KALRN: variants seen among roughly 807,000 people sequenced by gnomAD.
KALRN encodes kalirin RhoGEF kinase.
In KALRN, 70 loss-of-function variants were observed where a neutral mutation model predicts 353.7. The ratio of observed to expected loss-of-function variants is 0.20; its 90% CI spans 0.16 to 0.24. The LOEUF (loss-of-function observed/expected upper bound fraction) is 0.24, where lower values mean the gene tolerates loss of function less well. KALRN is among the 10% of genes least tolerant of loss of function. KALRN has a pLI of 1.00. For missense variants in KALRN, 2,791 were observed against 3,756.7 expected (o/e 0.74, Z 6.72); for synonymous variants, 1,391 against 1,434.8 (o/e 0.97, Z 0.69).
intron 3 of KALRN, among the ~76,000 whole-genome samples, chr3:124,235,401 C>G (rs1177948544): frequency 6.6e-6 from 1 of 152,140 alleles, no homozygotes; most frequent in Non-Finnish European, 1.5e-5. Context: ...TCTAAAAAGG[C>G]TCCTTCGGGG....
At chr3:124,449,418 A>T (rs2058559077) in intron 21 of KALRN, among the ~76,000 whole-genome samples, 1 of 152,248 alleles carries the variant, frequency 6.6e-6, no homozygotes, top group South Asian at 2.1e-4. Flanking sequence ...GCCTATAGAC[A>T]GTCCATTAAA....
chr3:124,268,193 G>A (rs912313995), intron 4 of KALRN, among the ~76,000 whole-genome samples: 14 of 152,112 alleles, frequency 9.2e-5, no homozygotes, highest in Non-Finnish European at 1.3e-4. Flanking sequence ...AAAACCAAGG[G>A]CGCAGACTCC....
At chr3:124,267,788 C>T (rs1025867347) in intron 4 of KALRN, among the ~76,000 whole-genome samples, 2 of 152,200 alleles carry the variant, frequency 1.3e-5, no homozygotes, top group African/African-American at 4.8e-5. Context: ...TTCAGATCAT[C>T]AGAGTGAGCA....
At chr3:124,416,736 G>A (rs1053640496) in intron 14 of KALRN, among the ~76,000 whole-genome samples, 14 of 152,216 alleles carry the variant, frequency 9.2e-5, no homozygotes, top group African/African-American at 3.4e-4. Flanking sequence ...CAATGGCTGA[G>A]GAATGTAAGA....
At chr3:124,282,985 C>T (rs764455804) in intron 5 of KALRN, among the ~76,000 whole-genome samples, 3 of 152,224 alleles carry the variant, frequency 2.0e-5, no homozygotes, top group Non-Finnish European at 4.4e-5. Flanking sequence ...GCCCACCTAG[C>T]ACATACCAGC....
In KALRN at chr3:124,697,668, C is replaced by A. The variant is rs756968542; in HGVS notation, c.7775C>A (p.Pro2592His). ...CTSVILRWLPPSSTGNCTISG... is the reference protein window; with the variant it reads ...CTSVILRWLPHSSTGNCTISG... ...TCCGTGATTCTCCGCTGGCTGCCCC[C>A]CTCCAGCACAGGAAACTGCACTATT... is the stretch of plus-strand genomic sequence containing the variant. Residue 2592 changes from proline to histidine, a missense_variant, in exon 55 of 60, where the codon CCC becomes CAC. Pro to His is a moderately conservative substitution (Grantham distance 77). This residue lies in a region of KALRN where 1,065 missense variants were observed against 1,156.4 expected (regional missense o/e 0.92). Coordinates refer to ENST00000682506, the MANE Select transcript of KALRN (RefSeq NM_001388419.1). 8.1e-6 allele frequency: 13 copies of A among 1,606,040 alleles called. No individual in the cohort carries two copies. The highest frequency in any genetic ancestry group is 3.4e-5 in the Admixed American group (2 of 59,220).
Position 124,542,417 on chromosome 3 carries a change from C to T in KALRN, c.4936-20426C>T, listed in dbSNP as rs190529294. ...TGTCAACTATGAAGCACCACACCCA[C>T]GTAAAGCATATTATATTACCTCCTG... On this transcript the variant is annotated intron_variant, in intron 33 of 59. Transcript: ENST00000682506. 8.5e-5 allele frequency among the ~76,000 whole-genome samples: 13 copies of T among 152,262 alleles called. No homozygotes were observed. The East Asian group carries it at 2.3e-3, about 27-fold the overall frequency.
At position 124,413,470 on chromosome 3, in the gene KALRN, G is replaced by T. The variant is rs1423941122; in HGVS notation, c.2347G>T (p.Val783Leu). Residue 783 changes from valine (V) to leucine (L), a missense_variant and splice_region_variant, in exon 14 of 60, where the codon GTG becomes TTG. This residue lies in a region of KALRN where 452 missense variants were observed against 575.8 expected (regional missense o/e 0.78). Transcript: ENST00000682506. The part of the protein sequence containing the change: ...LRIFEQYTIE[V>L]TAELDAWNED... ...GCTGATGACAGTGGTTCCCTCACAG[G>T]TGACAGCAGAGCTAGACGCCTGGAA... is the stretch of plus-strand genomic sequence containing the variant. 2.5e-6 allele frequency: 4 copies of T among 1,613,576 alleles called. No homozygotes were observed. In the African/African-American group the frequency reaches 5.3e-5, roughly 22 times the overall value.
chr3:124,357,226 A>C (rs2083517550), intron 10 of KALRN, among the ~76,000 whole-genome samples: 1 of 152,118 alleles, frequency 6.6e-6, no homozygotes, highest in Non-Finnish European at 1.5e-5. Flanking sequence ...CCCCATTGCC[A>C]CTGCCTTAGA....
In KALRN at chr3:124,678,199, T is replaced by C; in HGVS notation, c.7203T>C (p.Cys2401=). The change falls in exon 50 of 60, where the codon TGT becomes TGC. Residue 2401 remains cysteine, a synonymous_variant. Coordinates refer to ENST00000682506, the MANE Select transcript of KALRN (RefSeq NM_001388419.1). ...TTTTTTGGTACAACAGGAAGTCATG[T>C]TCATGGCATACTCTACGCATGAGAA... The part of the protein sequence containing the change: ...ESSDGSIKKS[C]SWHTLRMRKR... 1 of 1,613,792 alleles carries C rather than the reference T, an allele frequency of 6.2e-7. No individual in the cohort carries two copies. The highest frequency in any genetic ancestry group is 8.5e-7 in the Non-Finnish European group (1 of 1,179,838).
intron 16 of KALRN, among the ~76,000 whole-genome samples, chr3:124,433,378 C>T (rs1215568266): frequency 6.6e-6 from 1 of 151,540 alleles, no homozygotes; most frequent in Non-Finnish European, 1.5e-5. Context: ...TCATTTGAGG[C>T]CAGGAGTTTG....
At chr3:124,210,589 A>G (rs555455101) in intron 1 of KALRN, among the ~76,000 whole-genome samples, 137 of 152,198 alleles carry the variant, frequency 9.0e-4, no homozygotes, top group African/African-American at 3.2e-3. Flanking sequence ...TGGCTCGTTT[A>G]TTTTACTGGT....
At chr3:124,639,622 A>T (rs1254972837) in intron 37 of KALRN, among the ~76,000 whole-genome samples, 1 of 152,204 alleles carries the variant, frequency 6.6e-6, no homozygotes, top group Non-Finnish European at 1.5e-5. Context: ...AAGCAAAGAC[A>T]TAGAAAAGTC....
chr3:124,242,542 G>T (rs1456202787), intron 3 of KALRN, among the ~76,000 whole-genome samples: 1 of 152,150 alleles, frequency 6.6e-6, no homozygotes, highest in Admixed American at 6.5e-5. Context: ...CTGAAGGATG[G>T]GCTAAGACTG....
At chr3:124,226,949 G>A (rs1329014051) in intron 1 of KALRN, among the ~76,000 whole-genome samples, 1 of 152,078 alleles carries the variant, frequency 6.6e-6, no homozygotes, top group Non-Finnish European at 1.5e-5. Context: ...CCCTAATGGC[G>A]ACACATAACA....
At chr3:124,601,141 T>C (rs1435637577) in intron 34 of KALRN, among the ~76,000 whole-genome samples, 4 of 152,216 alleles carry the variant, frequency 2.6e-5, no homozygotes, top group Non-Finnish European at 5.9e-5. Flanking sequence ...TTTATGGCAA[T>C]GTCTTCATCT....
At chr3:124,504,860 G>A (rs759695881) in intron 33 of KALRN, 217 of 483,012 alleles carry the variant, frequency 4.5e-4, no homozygotes, top group Non-Finnish European at 8.7e-4. Flanking sequence ...TTTATTATTA[G>A]AATTTTGGTG....
intron 13 of KALRN, among the ~76,000 whole-genome samples, chr3:124,411,343 T>C (rs1319189482): frequency 6.6e-6 from 1 of 151,602 alleles, no homozygotes; most frequent in Non-Finnish European, 1.5e-5. Flanking sequence ...GTATTTTGTA[T>C]GTAAATTATA....
intron 34 of KALRN, among the ~76,000 whole-genome samples, chr3:124,568,961 A>G (rs1184882725): frequency 6.6e-6 from 1 of 152,176 alleles, no homozygotes; most frequent in African/African-American, 2.4e-5. Flanking sequence ...TGAACTGTAC[A>G]CTTAAAAATG....
Sources: allele counts gnomAD v4.1 joint callset (sites outside exome capture counted in the v4.1 genomes callset), GRCh38; gene constraint gnomAD v4.1.1; regional missense constraint gnomAD v4.1.1; transcripts MANE v1.5; gene names NCBI Gene and HGNC (gene_info 2026-07-23, HGNC 2026-07-21).